PDGFRL: variants seen among roughly 807,000 people sequenced by gnomAD.
The protein encoded by PDGFRL is platelet derived growth factor receptor like.
Under a neutral mutation model 37.2 loss-of-function variants are expected in PDGFRL, and 46 were observed. The ratio of observed to expected loss-of-function variants is 1.24; its 90% CI spans 0.98 to 1.58. The LOEUF is 1.58. PDGFRL is among the 40% of genes most tolerant of loss of function. The probability of loss-of-function intolerance (pLI) is 0.00; values close to 1 mark genes in which losing one functional copy is unlikely to be tolerated. For missense variants in PDGFRL, 692 were observed against 467.6 expected (o/e 1.48, Z -4.43); for synonymous variants, 251 against 184.3 (o/e 1.36, Z -2.93).
chr8:17,605,520 C>G (rs1374463223), intron 2 of PDGFRL, among the ~76,000 whole-genome samples: 1 of 152,158 alleles, frequency 6.6e-6, no homozygotes, highest in East Asian at 1.9e-4. Flanking sequence ...AACACACTTC[C>G]AGGGTGTAAA....
intron 2 of PDGFRL, among the ~76,000 whole-genome samples, chr8:17,591,403 G>C (rs796621281): frequency 6.6e-6 from 1 of 152,162 alleles, no homozygotes; most frequent in South Asian, 2.1e-4. Flanking sequence ...TGGGCTCTGC[G>C]TCAGGGGGTG....
chr8:17,613,010 T>C (rs952581152), intron 2 of PDGFRL, among the ~76,000 whole-genome samples: 2 of 152,252 alleles, frequency 1.3e-5, no homozygotes, highest in African/African-American at 2.4e-5. Flanking sequence ...TGATTAACTT[T>C]GCACCTAATC....
At chr8:17,586,984 C>G (rs1438085943) in intron 1 of PDGFRL, among the ~76,000 whole-genome samples, 1 of 152,140 alleles carries the variant, frequency 6.6e-6, no homozygotes, top group African/African-American at 2.4e-5. Flanking sequence ...AGTATGAATT[C>G]TTGTATTTTT....
At chr8:17,601,029 T>A (rs1400740508) in intron 2 of PDGFRL, among the ~76,000 whole-genome samples, 5 of 152,170 alleles carry the variant, frequency 3.3e-5, no homozygotes, top group Non-Finnish European at 7.3e-5. Context: ...CCACACCTGG[T>A]CATCCTCCTG....
chr8:17,626,805 C>T lies in PDGFRL; in HGVS notation c.506-1682C>T, dbSNP rs1358097970. ...CCCAGTCCAGAGTTTCTTGCCTGTC[C>T]TAAGGACAGAATTGGTAGGCCAGTC... On this transcript the variant is annotated intron_variant, in intron 3 of 5. Transcript: ENST00000251630. 2.6e-5 allele frequency among the ~76,000 whole-genome samples: 4 copies of T among 152,130 alleles called. No individual in the cohort carries two copies. The East Asian group carries it at 5.8e-4, about 22-fold the overall frequency.
intron 2 of PDGFRL, among the ~76,000 whole-genome samples, chr8:17,593,556 C>G (rs1310578652): frequency 6.6e-6 from 1 of 151,140 alleles, no homozygotes; most frequent in East Asian, 2.0e-4. Flanking sequence ...CGTGATCATA[C>G]CACTATATTC....
At chr8:17,592,982 A>T (rs1479970952) in intron 2 of PDGFRL, among the ~76,000 whole-genome samples, 2 of 152,076 alleles carry the variant, frequency 1.3e-5, no homozygotes, top group East Asian at 3.9e-4. Context: ...AGAGTAAATA[A>T]AAATAGACGT....
chr8:17,590,270 C>A (rs1803909365), intron 2 of PDGFRL, among the ~76,000 whole-genome samples: 1 of 88,026 alleles, frequency 1.1e-5, no homozygotes, highest in South Asian at 3.7e-4. Flanking sequence ...CAAATCCTAC[C>A]AACATTTGCT....
At chr8:17,638,781 ATAT>A (rs1563532543) in intron 5 of PDGFRL, among the ~76,000 whole-genome samples, 2 of 100,774 alleles carry the variant, frequency 2.0e-5, no homozygotes, top group East Asian at 5.2e-4. Context: ...ATATATATAT[ATAT>A]ATAATTGTGA....
At chr8:17,599,904 C>G (rs957211712) in intron 2 of PDGFRL, among the ~76,000 whole-genome samples, 7 of 152,310 alleles carry the variant, frequency 4.6e-5, no homozygotes, top group Admixed American at 2.0e-4. Flanking sequence ...TCTCTACCTA[C>G]TTTCCCAGGA....
intron 5 of PDGFRL, among the ~76,000 whole-genome samples, 160 bp from the exon 6 acceptor site, chr8:17,642,453 T>C (rs1162052707): frequency 6.6e-6 from 1 of 152,252 alleles, no homozygotes; most frequent in African/African-American, 2.4e-5. Context: ...ATGATTCCAG[T>C]GTAGAAGCTT....
At chr8:17,628,810 A>T (rs1271019819) in intron 4 of PDGFRL, 30 bp downstream of exon 4, 12 of 1,535,324 alleles carry the variant, frequency 7.8e-6, no homozygotes, top group Non-Finnish European at 1.1e-5. Flanking sequence ...CCTAGATTCT[A>T]GTTAGTCCCC....
At chr8:17,599,757 C>A (rs920916077) in intron 2 of PDGFRL, among the ~76,000 whole-genome samples, 1 of 152,206 alleles carries the variant, frequency 6.6e-6, no homozygotes, top group African/African-American at 2.4e-5. Flanking sequence ...TATCCCCTAA[C>A]TTATTAAGAA....
chr8:17,609,006 C>T (rs1292740810), intron 2 of PDGFRL, among the ~76,000 whole-genome samples: 2 of 152,090 alleles, frequency 1.3e-5, no homozygotes, highest in African/African-American at 2.4e-5. Flanking sequence ...ATCACTTGAG[C>T]CCGGGAGTTT....
At chr8:17,578,151 C>G (rs142840379) in intron 1 of PDGFRL, among the ~76,000 whole-genome samples, 38 of 152,204 alleles carry the variant, frequency 2.5e-4, no homozygotes, top group African/African-American at 7.9e-4. Context: ...GTTATTTGTA[C>G]AGTACATGTT....
intron 2 of PDGFRL, among the ~76,000 whole-genome samples, chr8:17,592,341 G>C (rs1359275433): frequency 6.6e-6 from 1 of 152,172 alleles, no homozygotes; most frequent in African/African-American, 2.4e-5. Context: ...TCCCCTGTCT[G>C]AGGCGCTCTT....
chr8:17,600,655 A>G (rs1269709497), intron 2 of PDGFRL, among the ~76,000 whole-genome samples: 1 of 151,870 alleles, frequency 6.6e-6, no homozygotes, highest in African/African-American at 2.4e-5. Context: ...ATTGTTTTAA[A>G]TTACAGGTGT....
At chr8:17,604,296 A>T (rs925587384) in intron 2 of PDGFRL, among the ~76,000 whole-genome samples, 1 of 152,182 alleles carries the variant, frequency 6.6e-6, no homozygotes, top group South Asian at 2.1e-4. Context: ...GTATGTTTAT[A>T]GCGGCACTAT....
intron 2 of PDGFRL, among the ~76,000 whole-genome samples, chr8:17,618,275 T>C (rs1188111300): frequency 6.6e-6 from 1 of 152,114 alleles, no homozygotes; most frequent in Admixed American, 6.6e-5. Context: ...AATCTGGTCA[T>C]GAACTCCTGA....
Sources: gnomAD v4.1 joint callset for allele counts (sites outside exome capture counted in the v4.1 genomes callset) on GRCh38, gnomAD v4.1.1 for gene constraint, MANE v1.5 for transcripts, NCBI Gene and HGNC (gene_info 2026-07-23, HGNC 2026-07-21) for gene names.